Variants in SYCP3 observed in about 807,000 individuals in gnomAD.
The protein encoded by SYCP3 is synaptonemal complex protein 3.
A neutral mutation model predicts 38.5 loss-of-function variants in SYCP3; 29 were observed. The ratio of observed to expected loss-of-function variants is 0.75; its 90% CI spans 0.56 to 1.03. The LOEUF is 1.03. SYCP3 is among the 50% of genes least tolerant of loss of function. The pLI is 0.00. For synonymous variants in SYCP3, 79 were observed against 80.3 expected (o/e 0.98, Z 0.08); for missense variants, 242 against 270.7 (o/e 0.89, Z 0.74).
intron 4 of SYCP3, among the ~76,000 whole-genome samples, chr12:101,735,772 T>C (rs1476969321): frequency 6.7e-6 from 1 of 149,744 alleles, no homozygotes; most frequent in East Asian, 1.9e-4. Context: ...ATAGAAAATA[T>C]GTAAAAGTAC....
At chr12:101,739,272 A>T (rs1412342843) in intron 1 of SYCP3, 79 bp downstream of exon 1, 1 of 1,001,454 alleles carries the variant, frequency 1.0e-6, no homozygotes, top group Non-Finnish European at 1.2e-6. Context: ...CGACGCCAGG[A>T]GGTAAGATTT....
intron 2 of SYCP3, 74 bp from the exon 3 acceptor site, chr12:101,737,372 A>G (rs1952495246): frequency 1.5e-6 from 2 of 1,365,214 alleles, no homozygotes; most frequent in African/African-American, 2.9e-5. Context: ...TTTTAATGAA[A>G]CATCTTCATT....
At chr12:101,730,402 A>G in intron 7 of SYCP3, 1 of 385,982 alleles carries the variant, frequency 2.6e-6, no homozygotes, top group South Asian at 1.9e-5. Flanking sequence ...AAAACTTCAC[A>G]CCAACTACCA....
rs1952048918 is a variant in SYCP3, at chr12:101,728,832, C to A, written c.*95G>T. The stretch of plus-strand genomic sequence containing the variant: ...AACAGGTTTATGATTAAAGATGTTA[C>A]AATTAAACTATTCTAAAGACTTACA... On this transcript the variant is annotated 3_prime_UTR_variant, in exon 9 of 9. Coordinates refer to ENST00000392924, the MANE Select transcript of SYCP3 (RefSeq NM_001177949.2). 1.3e-6 allele frequency: 2 copies of A among 1,559,972 alleles called. No individual in the cohort carries two copies. Among genetic ancestry groups the A allele is most frequent in the Non-Finnish European group, 1.8e-6 (2 of 1,137,946 alleles).
At chr12:101,737,582 T>G in intron 2 of SYCP3, 1 of 682,204 alleles carries the variant, frequency 1.5e-6, no homozygotes, top group Non-Finnish European at 2.5e-6. Context: ...AAGCAAGAGT[T>G]GCCGAATAAG....
chr12:101,734,872 T>C, intron 5 of SYCP3, 55 bp downstream of exon 5: 4 of 1,172,768 alleles, frequency 3.4e-6, no homozygotes, highest in Non-Finnish European at 5.1e-6. Flanking sequence ...TCATAAGTAA[T>C]TTATACCAGT....
intron 6 of SYCP3, 40 bp from the exon 7 acceptor site, chr12:101,731,706 T>G: frequency 7.0e-7 from 1 of 1,420,262 alleles, no homozygotes; most frequent in Middle Eastern, 1.8e-4. Context: ...AATAACAATT[T>G]GGGTAAAATT....
chr12:101,732,662 TTTTTTC>T (rs1211832381), intron 6 of SYCP3: 8 of 147,402 alleles, frequency 5.4e-5, no homozygotes, highest in African/African-American at 2.1e-4. Flanking sequence ...GCATTTTTTC[TTTTTTC>T]TTTTTTTTTT....
intron 1 of SYCP3, 180 bp downstream of exon 1, chr12:101,739,171 G>GC: frequency 4.3e-6 from 1 of 231,914 alleles, no homozygotes; most frequent in Non-Finnish European, 7.0e-6. Context: ...CCCAGCCCCA[G>GC]CCCAGCCCGC....
chr12:101,730,330 C>T (rs531977522), intron 7 of SYCP3, among the ~76,000 whole-genome samples: 4 of 152,160 alleles, frequency 2.6e-5, no homozygotes, highest in African/African-American at 9.6e-5. Context: ...ACTATAGTTC[C>T]TATCCTAAAT....
chr12:101,732,019 A>C, intron 6 of SYCP3: 1 of 212,760 alleles, frequency 4.7e-6, no homozygotes, highest in Non-Finnish European at 9.4e-6. Flanking sequence ...TGACTTACAT[A>C]CTCCCACCCT....
intron 4 of SYCP3, among the ~76,000 whole-genome samples, chr12:101,735,263 A>G (rs759007720): frequency 6.6e-6 from 1 of 152,170 alleles, no homozygotes; most frequent in Non-Finnish European, 1.5e-5. Context: ...GATTTTCCTA[A>G]CTGGAGATAA....
chr12:101,731,414 T>C (rs534846220), intron 7 of SYCP3, among the ~76,000 whole-genome samples, 154 bp downstream of exon 7: 7 of 152,284 alleles, frequency 4.6e-5, no homozygotes, highest in Admixed American at 2.6e-4. Context: ...AGTAAAAATA[T>C]ATTTATCACT....
intron 8 of SYCP3, 27 bp downstream of exon 8, chr12:101,729,082 T>C (rs1952064401): frequency 2.5e-6 from 4 of 1,608,040 alleles, no homozygotes; most frequent in Non-Finnish European, 3.4e-6. Flanking sequence ...TAATCCTTAT[T>C]TTTTCAATTT....
chr12:101,735,656 T>C (rs1295145565), intron 4 of SYCP3, among the ~76,000 whole-genome samples: 1 of 151,468 alleles, frequency 6.6e-6, no homozygotes, highest in East Asian at 1.9e-4. Context: ...TGAGACTCCG[T>C]CTCAAAAATA....
At chr12:101,738,542 G>A (rs1015664175) in intron 1 of SYCP3, among the ~76,000 whole-genome samples, 2 of 151,702 alleles carry the variant, frequency 1.3e-5, no homozygotes, top group African/African-American at 4.8e-5. Context: ...TTTGAGACCA[G>A]CCTGGCCAAC....
chr12:101,737,871 G>C lies in SYCP3; in HGVS notation c.65C>G (p.Thr22Arg), dbSNP rs373492199. The C allele has an allele frequency of 6.2e-7, 1 of 1,614,104 alleles. No individual in the cohort carries two copies. Among genetic ancestry groups the C allele is most frequent in the Non-Finnish European group, 8.5e-7 (1 of 1,180,028 alleles). The part of the protein sequence containing the change: ...SGKPSVEDQF[T>R]RAYDFETEDK... ...TTCAGTCTCAAAGTCATAGGCTCTC[G>C]TAAACTGATCTTCCACAGACGGCTT... Residue 22 changes from threonine (T) to arginine (R), a missense_variant, in exon 2 of 9, where the codon ACG (threonine) becomes AGG (arginine). Transcript: ENST00000392924.
rs949983401 is a variant in SYCP3, at chr12:101,728,796, T to C, written c.*131A>G. 1.5e-6 allele frequency: 2 copies of C among 1,304,208 alleles called. No homozygotes were observed. The highest frequency in any genetic ancestry group is 1.9e-5 in the Admixed American group (1 of 51,948). The allele number at this position is 1,304,208 out of a possible 1,614,324, so 80.8% of individuals were successfully genotyped here. On this transcript the variant is annotated 3_prime_UTR_variant, in exon 9 of 9. Transcript: ENST00000392924. ...AGATTTGACTTAACAGAAAGGGAGGTCTTACAATGAAACAGGTTTATGATT... is the reference window on the plus strand; with the variant it reads ...AGATTTGACTTAACAGAAAGGGAGGCCTTACAATGAAACAGGTTTATGATT...
intron 7 of SYCP3, among the ~76,000 whole-genome samples, chr12:101,730,127 A>G (rs991221271): frequency 6.6e-6 from 1 of 152,196 alleles, no homozygotes; most frequent in African/African-American, 2.4e-5. Flanking sequence ...AATATGGCAG[A>G]TCTAGGAGGG....
Sources: allele counts gnomAD v4.1 joint callset (sites outside exome capture counted in the v4.1 genomes callset), GRCh38; gene constraint gnomAD v4.1.1; transcripts MANE v1.5; gene names NCBI Gene and HGNC (gene_info 2026-07-23, HGNC 2026-07-21).